GALC: variants seen among roughly 807,000 people sequenced by gnomAD.
The protein encoded by GALC is galactosylceramidase.
GALC carries 77 observed loss-of-function variants against 91.8 expected under a neutral mutation model. The observed-to-expected ratio is 0.84, with a 90% confidence interval of 0.70 to 1.01. The LOEUF (loss-of-function observed/expected upper bound fraction) is 1.01. Among genes scored for constraint, GALC ranks in the 50% least tolerant of loss-of-function variants. GALC has a pLI of 0.00. For missense variants in GALC, 882 were observed against 855.9 expected (o/e 1.03, Z -0.38); for synonymous variants, 357 against 306.7 (o/e 1.16, Z -1.71).
In GALC at chr14:87,976,652, T is replaced by G; in HGVS notation, c.622-164A>C. On this transcript the variant is annotated intron_variant, in intron 6 of 16. Transcript: ENST00000261304. ...TTTTCTCAGACAGAGGCTTCTCTCG[T>G]CGCCCAGGCTGGAGTGCAGTGGCAG... is the stretch of plus-strand genomic sequence containing the variant. 3 of 610,848 alleles carry G rather than the reference T, an allele frequency of 4.9e-6. No individual in the cohort carries two copies. The South Asian group carries it at 5.4e-5, about 11-fold the overall frequency. The allele number at this position is 610,848 out of a possible 1,614,324, so 37.8% of individuals were successfully genotyped here.
chr14:87,982,959 C>A (rs1008082158), intron 5 of GALC, among the ~76,000 whole-genome samples: 19 of 152,158 alleles, frequency 1.2e-4, no homozygotes, highest in African/African-American at 4.1e-4. Flanking sequence ...GTGAATCACC[C>A]ATTACTTGTG....
intron 1 of GALC, chr14:87,992,548 T>G (rs956018118): frequency 3.3e-6 from 5 of 1,514,038 alleles, no homozygotes; most frequent in Non-Finnish European, 4.4e-6. Flanking sequence ...AGCATCCCAC[T>G]GGGGCGTTCT....
intron 9 of GALC, 53 bp downstream of exon 9, chr14:87,965,452 G>C (rs1179293540): frequency 1.2e-5 from 19 of 1,589,134 alleles, no homozygotes; most frequent in Admixed American, 1.7e-5. Context: ...GTTTTTTTCT[G>C]CTTTGTCTCT....
At chr14:87,954,152 A>G in intron 10 of GALC, 1 of 1,604,738 alleles carries the variant, frequency 6.2e-7, no homozygotes, top group Non-Finnish European at 8.5e-7. Flanking sequence ...TTGTACTTCA[A>G]GACCTACTGG....
intron 10 of GALC, chr14:87,953,874 G>A (rs761511020): frequency 1.9e-5 from 30 of 1,609,872 alleles, no homozygotes; most frequent in East Asian, 1.1e-4. Context: ...CATAAAATTC[G>A]GACCAAATTC....
In GALC at chr14:87,934,502, A is replaced by C. The variant is rs1460362105; in HGVS notation, c.*230T>G. On this transcript the variant is annotated 3_prime_UTR_variant, in exon 17 of 17. Transcript: ENST00000261304. Reference sequence around the variant, plus strand: ...ATGGCCAATGCACAGTTTGAATGTTAGGGAACACACCAGGTAATGTTAAAG... The same window carrying C: ...ATGGCCAATGCACAGTTTGAATGTTCGGGAACACACCAGGTAATGTTAAAG... 7.1e-7 allele frequency: 1 copy of C among 1,409,682 alleles called. No individual in the cohort carries two copies. Among genetic ancestry groups the C allele is most frequent in the Non-Finnish European group, 9.2e-7 (1 of 1,085,526 alleles). The allele number at this position is 1,409,682 out of a possible 1,614,324, so 87.3% of individuals were successfully genotyped here. A position where few individuals can be genotyped will look rare whatever the true frequency, so the allele number is the denominator to read the frequency against.
chr14:87,984,010 G>A (rs1341828812), intron 5 of GALC, among the ~76,000 whole-genome samples: 1 of 151,928 alleles, frequency 6.6e-6, no homozygotes, highest in Non-Finnish European at 1.5e-5. Flanking sequence ...GCCAATCTTT[G>A]GCTTAAGACA....
Position 87,934,547 on chromosome 14 carries a change from G to A in GALC, c.*185C>T, listed in dbSNP as rs1229598956. 1.4e-6 allele frequency: 2 copies of A among 1,457,414 alleles called. No homozygotes were observed. Among genetic ancestry groups the A allele is most frequent in the African/African-American group, 2.9e-5 (2 of 70,080 alleles). The allele number at this position is 1,457,414 out of a possible 1,614,324, so 90.3% of individuals were successfully genotyped here. On this transcript the variant is annotated 3_prime_UTR_variant, in exon 17 of 17. Transcript: ENST00000261304. ...TTAAAGATTCACCAGTTTTCCCCTT[G>A]GAATTAATTCTAATAAAATCTTCCA...
At chr14:87,961,228 C>A (rs1189777995) in intron 10 of GALC, among the ~76,000 whole-genome samples, 1 of 152,080 alleles carries the variant, frequency 6.6e-6, no homozygotes, top group African/African-American at 2.4e-5. Context: ...ATCATTAGTC[C>A]CTAGGAAAAT....
chr14:87,940,873 C>A (rs1489589177), intron 15 of GALC, among the ~76,000 whole-genome samples: 1 of 151,888 alleles, frequency 6.6e-6, no homozygotes, highest in Admixed American at 6.6e-5. Context: ...ATATTTGAAG[C>A]ACCTATTCTG....
intron 1 of GALC, among the ~76,000 whole-genome samples, chr14:87,988,863 A>G (rs1000687893): frequency 6.6e-6 from 1 of 152,224 alleles, no homozygotes; most frequent in African/African-American, 2.4e-5. Flanking sequence ...AATGGGAGGG[A>G]TGAATGTCAG....
rs544650687 is a variant in GALC at position 87,934,641 on chromosome 14, A to G, written c.*91T>C. The G allele has an allele frequency of 6.2e-7, 1 of 1,605,058 alleles. No homozygotes were observed. Among genetic ancestry groups the G allele is most frequent in the African/African-American group, 1.3e-5 (1 of 74,812 alleles). ...TTATTTTTAGTCTCAAAAGCCTCAT[A>G]TACTGTTCCAATGAAACAAGAATTG... On this transcript the variant is annotated 3_prime_UTR_variant, in exon 17 of 17. Transcript: ENST00000261304.
rs571535297 is a variant in GALC at position 87,953,163 on chromosome 14, T to C, written c.1162-2415A>G. ...AGTAGATAAGCCAAGGTCTGAAGTC[T>C]GAAGCAGCAGTTAGGAAGGTCTCAG... On this transcript the variant is annotated intron_variant, in intron 10 of 16. Transcript: ENST00000261304. 178 of 1,471,810 alleles carry C rather than the reference T, an allele frequency of 1.2e-4. No individual in the cohort carries two copies. The African/African-American group carries it at 2.3e-3, about 19-fold the overall frequency. 91.2% of individuals were successfully genotyped at this position (1,471,810 alleles called of 1,614,324 possible). A position where few individuals can be genotyped will look rare whatever the true frequency, so the allele number is the denominator to read the frequency against.
rs1884461846 is a variant in GALC, at chr14:87,933,945, G to C, written c.*787C>G. On this transcript the variant is annotated 3_prime_UTR_variant, in exon 17 of 17. Coordinates refer to ENST00000261304, the MANE Select transcript of GALC (RefSeq NM_000153.4). ...CCACAGCACAGTGAGATGAGGCTGA[G>C]GAAACGACTACAACAGCATTGGCTA... The C allele has an allele frequency of 1.3e-6, 2 of 1,517,954 alleles. No individual in the cohort carries two copies. The allele number at this position is 1,517,954 out of a possible 1,614,324, so 94.0% of individuals were successfully genotyped here. A position where few individuals can be genotyped will look rare whatever the true frequency, so the allele number is the denominator to read the frequency against.
chr14:87,943,951 G>A (rs1025398733), intron 14 of GALC, among the ~76,000 whole-genome samples: 2 of 152,016 alleles, frequency 1.3e-5, no homozygotes, highest in Non-Finnish European at 2.9e-5. Context: ...ATCTTCCTGA[G>A]CAGGGGAATA....
chr14:87,939,857 CACA>C (rs911215107), intron 16 of GALC, 45 bp downstream of exon 16: 14 of 1,220,612 alleles, frequency 1.1e-5, no homozygotes, highest in Non-Finnish European at 1.6e-5. Context: ...TATAGAAATG[CACA>C]ACAAAAGAGC....
intron 1 of GALC, chr14:87,992,410 C>T (rs1315142027): frequency 6.5e-7 from 1 of 1,535,596 alleles, no homozygotes; most frequent in Admixed American, 2.0e-5. Flanking sequence ...CCAGTCCTGC[C>T]TCCAAACGAA....
chr14:87,984,303 T>G, intron 5 of GALC, 91 bp downstream of exon 5: 1 of 1,271,064 alleles, frequency 7.9e-7, no homozygotes, highest in Non-Finnish European at 1.1e-6. Flanking sequence ...TGGCATAAAA[T>G]GGTTAGTCAA....
chr14:87,978,287 G>A (rs1160361500), intron 6 of GALC, among the ~76,000 whole-genome samples: 1 of 152,128 alleles, frequency 6.6e-6, no homozygotes, highest in Non-Finnish European at 1.5e-5. Context: ...CTGACCTCAG[G>A]TGGTCCGCCA....
Sources: gnomAD v4.1 joint callset for allele counts (sites outside exome capture counted in the v4.1 genomes callset) on GRCh38, gnomAD v4.1.1 for gene constraint, MANE v1.5 for transcripts, NCBI Gene and HGNC (gene_info 2026-07-23, HGNC 2026-07-21) for gene names.